Variants in GNB1L observed in about 807,000 individuals in gnomAD.
GNB1L encodes the protein guanine nucleotide-binding protein subunit beta-like protein 1.
GNB1L carries 20 observed loss-of-function variants against 29.1 expected under a neutral mutation model. The ratio of observed to expected loss-of-function variants is 0.69; its 90% confidence interval spans 0.48 to 1.00. GNB1L has a LOEUF of 1.00. GNB1L is among the 50% of genes least tolerant of loss of function. GNB1L has a pLI of 0.00. For synonymous variants in GNB1L, 193 were observed against 206.5 expected, an observed-to-expected ratio of 0.93 and a Z score of 0.56; for missense variants, 421 against 464.9, an observed-to-expected ratio of 0.91 and a Z score of 0.87.
In GNB1L at chr22:19,792,804, C is replaced by G. The variant is rs1447024752; in HGVS notation, c.733-3844G>C. ...TCCCATCGAGCTGGTTGTCTTCTTGCCTGCCTTGTGTCGTAAAATGGGGGT... is the reference window on the plus strand; with the variant it reads ...TCCCATCGAGCTGGTTGTCTTCTTGGCTGCCTTGTGTCGTAAAATGGGGGT... On this transcript the variant is annotated intron_variant, in intron 7 of 7. Transcript: ENST00000329517. 13 of 1,361,574 alleles carry G rather than the reference C, an allele frequency of 9.5e-6. No individual in the cohort carries two copies. The East Asian group carries it at 1.4e-4, about 15-fold the overall frequency. The allele number at this position is 1,361,574 out of a possible 1,614,324, so 84.3% of individuals were successfully genotyped here.
At chr22:19,827,935 A>C (rs1223749053) in intron 2 of GNB1L, among the ~76,000 whole-genome samples, 1 of 152,220 alleles carries the variant, frequency 6.6e-6, no homozygotes, top group Non-Finnish European at 1.5e-5. Context: ...ATGGCTAGCA[A>C]CTGCAGAAAG....
intron 2 of GNB1L, among the ~76,000 whole-genome samples, chr22:19,837,045 C>A (rs993840198): frequency 2.6e-5 from 4 of 151,648 alleles, no homozygotes; most frequent in African/African-American, 9.7e-5. Context: ...CGGCTCACTG[C>A]AAGCTCTGCC....
chr22:19,843,232 T>C (rs1463741071), intron 2 of GNB1L, among the ~76,000 whole-genome samples: 1 of 152,228 alleles, frequency 6.6e-6, no homozygotes, highest in Non-Finnish European at 1.5e-5. Flanking sequence ...CAGCCTCCCA[T>C]TCGGTTATTA....
Position 19,784,136 on chromosome 22 carries a change from T to A in GNB1L, c.*4573A>T, listed in dbSNP as rs1232323948. 6.6e-6 allele frequency: 1 copy of A among 152,246 alleles called. No individual in the cohort carries two copies. The highest frequency in any genetic ancestry group is 2.4e-5 in the African/African-American group (1 of 41,460). 9.4% of individuals were successfully genotyped at this position (152,246 alleles called of 1,614,324 possible). A position where few individuals can be genotyped will look rare whatever the true frequency, so the allele number is the denominator to read the frequency against. Reference sequence around the variant, plus strand: ...GATTTCACATGAAGTTCTAGCTAATTGAGTATAAGCATTTCTAAAGAACCC... The same window carrying A: ...GATTTCACATGAAGTTCTAGCTAATAGAGTATAAGCATTTCTAAAGAACCC... On this transcript the variant is annotated 3_prime_UTR_variant, in exon 8 of 8. Coordinates refer to ENST00000329517, the MANE Select transcript of GNB1L (RefSeq NM_053004.3).
At chr22:19,813,171 G>A (rs1170887032) in intron 4 of GNB1L, among the ~76,000 whole-genome samples, 1 of 152,222 alleles carries the variant, frequency 6.6e-6, no homozygotes, top group East Asian at 1.9e-4. Flanking sequence ...ACAGACGGGT[G>A]TGTAAGCACA....
At chr22:19,846,893 T>C in intron 2 of GNB1L, 1 of 981,536 alleles carries the variant, frequency 1.0e-6, no homozygotes, top group Non-Finnish European at 1.2e-6. Context: ...TGCGGTCCTT[T>C]GTCAGGCAGC....
chr22:19,818,983 G>T (rs1937557010), intron 4 of GNB1L, among the ~76,000 whole-genome samples: 1 of 152,170 alleles, frequency 6.6e-6, no homozygotes, highest in Non-Finnish European at 1.5e-5. Context: ...TCACGCACCT[G>T]CCCCTGTCTG....
intron 7 of GNB1L, among the ~76,000 whole-genome samples, chr22:19,791,866 T>C (rs929428672): frequency 2.0e-5 from 3 of 151,974 alleles, no homozygotes; most frequent in African/African-American, 7.3e-5. Flanking sequence ...AGAACAAAAC[T>C]AGAAACCAAG....
chr22:19,798,985 C>T (rs1020624955), intron 7 of GNB1L, among the ~76,000 whole-genome samples: 4 of 152,058 alleles, frequency 2.6e-5, no homozygotes, highest in Admixed American at 1.3e-4. Flanking sequence ...GGAGCTGACC[C>T]GGGGCCCTTT....
intron 7 of GNB1L, among the ~76,000 whole-genome samples, chr22:19,791,913 G>A (rs938021159): frequency 6.6e-6 from 1 of 152,204 alleles, no homozygotes; most frequent in African/African-American, 2.4e-5. Context: ...GAGTTTGGAA[G>A]TTGAGGTCCA....
intron 5 of GNB1L, 142 bp from the exon 6 acceptor site, chr22:19,806,899 C>CA: frequency 1.4e-6 from 1 of 711,096 alleles, no homozygotes; most frequent in African/African-American, 1.7e-5. Flanking sequence ...GGAGCCCAGG[C>CA]TCCTAATTAG....
chr22:19,832,953 T>C (rs372563165), intron 2 of GNB1L, among the ~76,000 whole-genome samples: 2 of 152,158 alleles, frequency 1.3e-5, no homozygotes, highest in South Asian at 2.1e-4. Context: ...CAAAGCAGCA[T>C]GTCAAAAGCT....
chr22:19,838,862 T>C (rs973362464), intron 2 of GNB1L, among the ~76,000 whole-genome samples: 14 of 152,166 alleles, frequency 9.2e-5, no homozygotes, highest in African/African-American at 7.2e-5. Flanking sequence ...CAAAAACCTG[T>C]ACATGAATGT....
At chr22:19,824,668 G>T (rs991427638) in intron 2 of GNB1L, among the ~76,000 whole-genome samples, 14 of 152,256 alleles carry the variant, frequency 9.2e-5, no homozygotes, top group African/African-American at 3.4e-4. Flanking sequence ...CCCAAGAGGG[G>T]TCCAGAGCGC....
At chr22:19,846,402 ACTGCCTACTCAACAGCCAAG>A (rs1281462247) in intron 2 of GNB1L, 4 of 984,570 alleles carry the variant, frequency 4.1e-6, no homozygotes, top group Non-Finnish European at 4.8e-6. Context: ...ACAACTGGGC[ACTGCCTACTCAACAGCCAAG>A]GCTTGGCCAT....
In GNB1L at chr22:19,852,344, C is replaced by T. The variant is rs1938128811; in HGVS notation, c.-21+2099G>A. ...GACAGATGTGGCTTGCACGACACAA[C>T]AGGACAGGGATGGCTGAACAGGGCG... On this transcript the variant is annotated intron_variant, in intron 2 of 7. Transcript: ENST00000329517. 5 of 1,453,670 alleles carry T rather than the reference C, an allele frequency of 3.4e-6. No homozygotes were observed. The East Asian group carries it at 9.1e-5, about 27-fold the overall frequency. The allele number at this position is 1,453,670 out of a possible 1,614,324, so 90.0% of individuals were successfully genotyped here.
At chr22:19,804,095 T>C (rs1316847660) in intron 6 of GNB1L, among the ~76,000 whole-genome samples, 2 of 152,344 alleles carry the variant, frequency 1.3e-5, no homozygotes, top group East Asian at 1.9e-4. Context: ...TGCCCTGTGG[T>C]TGCCAGCCCC....
intron 2 of GNB1L, among the ~76,000 whole-genome samples, chr22:19,838,114 G>A (rs545137538): frequency 6.6e-6 from 1 of 152,340 alleles, no homozygotes; most frequent in South Asian, 2.1e-4. Flanking sequence ...TATTGCATAC[G>A]CAATTTAATT....
At chr22:19,815,347 A>G (rs2145877597) in intron 4 of GNB1L, among the ~76,000 whole-genome samples, 1 of 152,270 alleles carries the variant, frequency 6.6e-6, no homozygotes, top group South Asian at 2.1e-4. Context: ...AACCTGCCAA[A>G]CTGATGTCAA....
Sources: gnomAD v4.1 joint callset for allele counts (sites outside exome capture counted in the v4.1 genomes callset) on GRCh38, gnomAD v4.1.1 for gene constraint, MANE v1.5 for transcripts, NCBI Gene and HGNC (gene_info 2026-07-23, HGNC 2026-07-21) for gene names.